Variants in CHST11 observed in about 807,000 individuals in gnomAD.
CHST11 encodes carbohydrate sulfotransferase 11, also known as C4S-1.
A neutral mutation model predicts 30.4 loss-of-function variants in CHST11; 9 were observed. The observed-to-expected ratio is 0.30, with a 90% CI of 0.18 to 0.52. The LOEUF is 0.52. CHST11 is among the 20% of genes least tolerant of loss of function. The pLI is 0.97. For synonymous variants in CHST11, 152 were observed against 187.8 expected, an observed-to-expected ratio of 0.81 and a Z score of 1.56; for missense variants, 348 against 460.6, an observed-to-expected ratio of 0.76 and a Z score of 2.24.
intron 1 of CHST11, among the ~76,000 whole-genome samples, chr12:104,465,238 A>G (rs1430161279): frequency 1.3e-5 from 2 of 152,216 alleles, no homozygotes; most frequent in African/African-American, 2.4e-5. Context: ...TTGCTTCTCA[A>G]TGGCCAGACT....
At chr12:104,672,767 C>T (rs954435064) in intron 2 of CHST11, among the ~76,000 whole-genome samples, 5 of 152,230 alleles carry the variant, frequency 3.3e-5, no homozygotes, top group Non-Finnish European at 7.3e-5. Context: ...CCTACACTTT[C>T]CAAGCCAAGA....
At chr12:104,686,544 T>G (rs2039848194) in intron 2 of CHST11, among the ~76,000 whole-genome samples, 1 of 152,248 alleles carries the variant, frequency 6.6e-6, no homozygotes, top group Non-Finnish European at 1.5e-5. Context: ...GTAGGACTTC[T>G]GGACAAGATT....
intron 2 of CHST11, among the ~76,000 whole-genome samples, chr12:104,636,851 TA>T (rs2039327195): frequency 6.6e-6 from 1 of 151,512 alleles, no homozygotes; most frequent in South Asian, 2.1e-4. Flanking sequence ...CTACTACTCC[TA>T]TTTTTTTTTT....
chr12:104,493,143 A>G (rs1456693723), intron 1 of CHST11, among the ~76,000 whole-genome samples: 2 of 152,212 alleles, frequency 1.3e-5, no homozygotes, highest in African/African-American at 2.4e-5. Flanking sequence ...GTTTTTGACC[A>G]AAAAAAGATC....
intron 2 of CHST11, among the ~76,000 whole-genome samples, chr12:104,673,089 A>G (rs947940453): frequency 6.6e-6 from 1 of 152,064 alleles, no homozygotes; most frequent in Admixed American, 6.5e-5. Context: ...TTGGGGCCCC[A>G]TCTCTCTGCT....
intron 1 of CHST11, among the ~76,000 whole-genome samples, chr12:104,570,213 C>T (rs1485800995): frequency 6.6e-6 from 1 of 152,180 alleles, no homozygotes; most frequent in Non-Finnish European, 1.5e-5. Context: ...GGCTCAGGTA[C>T]CTGTTTTTCT....
chr12:104,505,759 TGTA>T (rs1420300440), intron 1 of CHST11, among the ~76,000 whole-genome samples: 1 of 152,212 alleles, frequency 6.6e-6, no homozygotes, highest in East Asian at 1.9e-4. Flanking sequence ...ATTCAGCAAA[TGTA>T]GCCGTTCCTT....
In CHST11 at chr12:104,458,226, C is replaced by T. The variant is rs796929841; in HGVS notation, c.118+697C>T. Among the ~76,000 whole-genome samples, 21 of 152,250 alleles carry T rather than the reference C, an allele frequency of 1.4e-4. No homozygotes were observed. The highest frequency in any genetic ancestry group is 5.1e-4 in the African/African-American group (21 of 41,570). Reference sequence around the variant, plus strand: ...TGCGGCTGGTGCCCCGGGGCCTGCTCCAGCCCCCAGCCCTGAGCTGGAAAC... The same window carrying T: ...TGCGGCTGGTGCCCCGGGGCCTGCTTCAGCCCCCAGCCCTGAGCTGGAAAC... On this transcript the variant is annotated intron_variant, in intron 1 of 2. Transcript: ENST00000303694. This position sits in a 1 kb window ranked among gnomAD's most constrained non-coding sequence, Gnocchi z 5.7.
intron 2 of CHST11, among the ~76,000 whole-genome samples, chr12:104,686,766 G>C (rs2039850198): frequency 6.6e-6 from 1 of 152,130 alleles, no homozygotes; most frequent in South Asian, 2.1e-4. Context: ...TCCTGCCTCA[G>C]CCTCCCAAGT....
chr12:104,588,131 G>A (rs1376028628), intron 1 of CHST11, among the ~76,000 whole-genome samples: 1 of 152,060 alleles, frequency 6.6e-6, no homozygotes, highest in East Asian at 1.9e-4. Context: ...CCCACTTTAA[G>A]TGTAGAATTC....
At chr12:104,559,057 C>T (rs892263342) in intron 1 of CHST11, among the ~76,000 whole-genome samples, 5 of 151,700 alleles carry the variant, frequency 3.3e-5, no homozygotes, top group African/African-American at 7.3e-5. Context: ...GTTGTGTTCC[C>T]ACCGAGAGGG....
At chr12:104,580,867 A>G (rs1175306072) in intron 1 of CHST11, among the ~76,000 whole-genome samples, 1 of 152,198 alleles carries the variant, frequency 6.6e-6, no homozygotes, top group Non-Finnish European at 1.5e-5. Context: ...GCTGGGATTA[A>G]AAGCATGAGC....
intron 1 of CHST11, among the ~76,000 whole-genome samples, chr12:104,464,736 A>G (rs1316279005): frequency 1.3e-5 from 2 of 152,142 alleles, no homozygotes; most frequent in African/African-American, 2.4e-5. Context: ...ATTTTGACTG[A>G]GCTTGTAGTG....
chr12:104,666,998 A>T (rs1238375157), intron 2 of CHST11, among the ~76,000 whole-genome samples: 1 of 152,134 alleles, frequency 6.6e-6, no homozygotes, highest in African/African-American at 2.4e-5. Context: ...TACCTTTAAA[A>T]CGCTTGTTGA....
chr12:104,691,138 A>T (rs575563745), intron 2 of CHST11, among the ~76,000 whole-genome samples: 3 of 152,320 alleles, frequency 2.0e-5, no homozygotes, highest in Non-Finnish European at 4.4e-5. Flanking sequence ...ATGGCCTTAG[A>T]CAGGTCTCCA....
chr12:104,554,597 G>A (rs2038436788), intron 1 of CHST11, among the ~76,000 whole-genome samples: 1 of 152,184 alleles, frequency 6.6e-6, no homozygotes, highest in Non-Finnish European at 1.5e-5. Context: ...GGAAGCTGGG[G>A]CCCCACAGAG....
chr12:104,633,948 C>T (rs1029236069), intron 2 of CHST11, among the ~76,000 whole-genome samples: 11 of 152,126 alleles, frequency 7.2e-5, no homozygotes, highest in Non-Finnish European at 1.6e-4. Flanking sequence ...GACCCTGGTG[C>T]CCCCAGCTAG....
chr12:104,743,670 C>T (rs560763031), intron 2 of CHST11, among the ~76,000 whole-genome samples: 13 of 152,254 alleles, frequency 8.5e-5, no homozygotes, highest in African/African-American at 3.1e-4. Flanking sequence ...CATAGGTGAA[C>T]TTGGGTCATG....
At chr12:104,463,200 G>A (rs2037425674) in intron 1 of CHST11, among the ~76,000 whole-genome samples, 1 of 152,204 alleles carries the variant, frequency 6.6e-6, no homozygotes, top group Non-Finnish European at 1.5e-5. Context: ...AAGTGAAAAA[G>A]GCTCTCATGA....
Sources: allele counts gnomAD v4.1 joint callset (sites outside exome capture counted in the v4.1 genomes callset), GRCh38; gene constraint gnomAD v4.1.1; non-coding constraint Gnocchi (gnomAD v3.1); transcripts MANE v1.5; gene names NCBI Gene and HGNC (gene_info 2026-07-23, HGNC 2026-07-21).